The following NPHP4 variants were observed in gnomAD, a reference collection of about 807,000 sequenced individuals.
The protein encoded by NPHP4 is nephrocystin 4.
Under a neutral mutation model 155.8 loss-of-function variants are expected in NPHP4, and 151 were observed. The ratio of observed to expected loss-of-function variants is 0.97; its 90% CI spans 0.85 to 1.11. The LOEUF (loss-of-function observed/expected upper bound fraction) is 1.11. Among genes scored for constraint, NPHP4 ranks in the 50% least tolerant of loss-of-function variants. The pLI, the probability that NPHP4 is intolerant of heterozygous loss-of-function variation, is 0.00. For synonymous variants in NPHP4, 845 were observed against 816.8 expected (o/e 1.03, Z -0.59); for missense variants, 1,956 against 1,925.7 (o/e 1.02, Z -0.29).
Position 5,863,156 on chromosome 1 carries a change from G to T in NPHP4, c.*109C>A. On this transcript the variant is annotated 3_prime_UTR_variant, in exon 30 of 30. Transcript: ENST00000378156. ...GCCAAGTGCACAGGTCAGCCAGGTG[G>T]GCACTGAAGTGAAAGGCTGCAGAGA... 8.4e-7 allele frequency: 1 copy of T among 1,197,092 alleles called. No individual in the cohort carries two copies. Among genetic ancestry groups the T allele is most frequent in the South Asian group, 1.2e-5 (1 of 81,108 alleles). 74.2% of individuals were successfully genotyped at this position (1,197,092 alleles called of 1,614,324 possible).
intron 16 of NPHP4, among the ~76,000 whole-genome samples, chr1:5,899,869 T>C (rs1243526021): frequency 6.6e-6 from 1 of 152,204 alleles, no homozygotes; most frequent in African/African-American, 2.4e-5. Flanking sequence ...GATAAAGGAC[T>C]TGCATCCAAA....
chr1:5,975,370 C>T (rs75886247), intron 3 of NPHP4, among the ~76,000 whole-genome samples: 3,229 of 152,322 alleles, frequency 0.021, 54 homozygotes, highest in Non-Finnish European at 0.032. Context: ...GCTGCCCACA[C>T]GGGGCATAGC....
At chr1:5,864,074 G>A (rs748733982) in intron 28 of NPHP4, 41 bp from the exon 29 acceptor site, 14 of 1,603,082 alleles carry the variant, frequency 8.7e-6, no homozygotes, top group African/African-American at 5.4e-5. Context: ...GGCCACTCAC[G>A]GGAACAGCCA....
At position 5,890,929 on chromosome 1, in the gene NPHP4, T is replaced by C; in HGVS notation, c.2243A>G (p.Gln748Arg). 4 of 1,609,614 alleles carry C rather than the reference T, an allele frequency of 2.5e-6. No individual in the cohort carries two copies. The highest frequency in any genetic ancestry group is 3.4e-6 in the Non-Finnish European group (4 of 1,177,528). ...GGAGTCTCCGTCCCAGACGTCAATC[T>C]GCAGGGTCTGCACGGCCAGGTAGCG... is the stretch of plus-strand genomic sequence containing the variant. The part of the protein sequence containing the change: ...FARYLAVQTL[Q>R]IDVWDGDSLL... Residue 748 changes from glutamine (Q) to arginine (R), a missense_variant, in exon 17 of 30, where the codon CAG becomes CGG. Gln to Arg is a conservative substitution (Grantham distance 43). Transcript: ENST00000378156. This position sits in a 1 kb window ranked among gnomAD's most constrained non-coding sequence, Gnocchi z 4.9.
rs760871475 is a variant in NPHP4, at chr1:5,864,432, C to A, written c.3902G>T (p.Arg1301Leu). The change falls in exon 28 of 30, where the codon CGC becomes CTC. Residue 1301 changes from arginine (R) to leucine (L), a missense_variant. By Grantham distance (102) the Arg-to-Leu change is moderately radical (BLOSUM62 -2). Coordinates refer to ENST00000378156, the MANE Select transcript of NPHP4 (RefSeq NM_015102.5). Reference protein sequence around the residue: ...VGVRPLRAGSRFVHLNLVDVD... With the variant: ...VGVRPLRAGSLFVHLNLVDVD... ...GTCCACCAGGTTGAGATGGACAAAG[C>A]GGCTGCCGGCCCTAAGGGGCCTCAC... is the stretch of plus-strand genomic sequence containing the variant. 1.2e-6 allele frequency: 2 copies of A among 1,609,294 alleles called. No homozygotes were observed. The highest frequency in any genetic ancestry group is 1.7e-6 in the Non-Finnish European group (2 of 1,178,186).
At position 5,947,245 on chromosome 1, in the gene NPHP4, C is replaced by G. The variant is rs2101925931; in HGVS notation, c.993-15G>C. ...GGCTCCCGGAGCTGGGTCAGAAACA[C>G]AAACCAGGGACACATTAGAGCTCGA... On this transcript the variant is annotated splice_polypyrimidine_tract_variant and intron_variant, in intron 8 of 29. Transcript: ENST00000378156. 3 of 1,613,254 alleles carry G rather than the reference C, an allele frequency of 1.9e-6. No homozygotes were observed. In the Middle Eastern group the frequency reaches 5.2e-4, roughly 280 times the overall value.
At chr1:5,899,595 A>G (rs753345511) in intron 16 of NPHP4, among the ~76,000 whole-genome samples, 11 of 152,198 alleles carry the variant, frequency 7.2e-5, no homozygotes, top group Non-Finnish European at 1.3e-4. Context: ...TAAAATTTAT[A>G]CCTTTTATAA....
At chr1:5,950,726 C>T (rs1647823831) in intron 7 of NPHP4, among the ~76,000 whole-genome samples, 1 of 152,194 alleles carries the variant, frequency 6.6e-6, no homozygotes, top group Non-Finnish European at 1.5e-5. Flanking sequence ...CCTAGACCAG[C>T]AGCCCCCAGC....
At position 5,875,016 on chromosome 1, in the gene NPHP4, C is replaced by T. The variant is rs375090704; in HGVS notation, c.2902G>A (p.Ala968Thr). The T allele has an allele frequency of 1.8e-4, 291 of 1,611,128 alleles. 2 individuals carry two copies. The highest frequency in any genetic ancestry group is 7.0e-4 in the South Asian group (64 of 91,054). The change falls in exon 21 of 30, where the codon GCC becomes ACC. Residue 968 changes from alanine (A) to threonine (T), a missense_variant. By Grantham distance (58) the Ala-to-Thr change is moderately conservative. Coordinates refer to ENST00000378156, the MANE Select transcript of NPHP4 (RefSeq NM_015102.5). The stretch of plus-strand genomic sequence containing the variant: ...GTGATGGCCAGGCTCAGCAGGCTGG[C>T]GATGCTCTCGGCCTTCGTGCGTTCC... The part of the protein sequence containing the change: ...YRERTKAESI[A>T]SLLSLAITTE...
chr1:5,920,130 C>T (rs566487775), intron 11 of NPHP4, among the ~76,000 whole-genome samples: 7 of 152,168 alleles, frequency 4.6e-5, no homozygotes, highest in Non-Finnish European at 1.0e-4. Context: ...TAGGGTTTCA[C>T]CATGTTAGCC....
In NPHP4 at chr1:5,905,455, TGGAG is replaced by T. The variant is rs747699128; in HGVS notation, c.1788_1791del (p.Ser597TrpfsTer29). 10 of 1,607,642 alleles carry T rather than the reference TGGAG, an allele frequency of 6.2e-6. No individual in the cohort carries two copies. In the East Asian group the frequency reaches 2.2e-4, roughly 36 times the overall value. Reference sequence around the variant, plus strand: ...AAGCCGGAGGACTGCAGGAGCACCATGGAGGCTCTCGAGGGCTGCCCTGCAGAGC... The same window carrying T: ...AAGCCGGAGGACTGCAGGAGCACCATGCTCTCGAGGGCTGCCCTGCAGAGC... On this transcript the variant is annotated frameshift_variant, in exon 15 of 30. Coordinates refer to ENST00000378156, the MANE Select transcript of NPHP4 (RefSeq NM_015102.5). LOFTEE classifies it high-confidence loss of function. This position sits in a 1 kb window ranked among gnomAD's most constrained non-coding sequence, Gnocchi z 4.0.
At chr1:5,871,723 C>T (rs1179586235) in intron 23 of NPHP4, among the ~76,000 whole-genome samples, 2 of 152,148 alleles carry the variant, frequency 1.3e-5, no homozygotes, top group Non-Finnish European at 1.5e-5. Flanking sequence ...TCATGGACAA[C>T]GTGGTCTGCC....
intron 9 of NPHP4, among the ~76,000 whole-genome samples, chr1:5,935,028 C>T (rs1050006729): frequency 6.6e-6 from 1 of 152,152 alleles, no homozygotes; most frequent in East Asian, 1.9e-4. Flanking sequence ...CTCTAAAATC[C>T]GGACACAGAT....
chr1:5,877,229 T>C lies in NPHP4; in HGVS notation c.2681A>G (p.His894Arg), dbSNP rs113097479. ...CTGGGGCCCCTTGCCCTGCCGGGCA[T>C]GGGTCAGTAGCATGGCAGCCAGCTC... The part of the protein sequence containing the change: ...DSELAAMLLT[H>R]ARQGKGPQDV... The change falls in exon 20 of 30, where the codon CAT becomes CGT. Residue 894 changes from histidine (H) to arginine (R), a missense_variant. Coordinates refer to ENST00000378156, the MANE Select transcript of NPHP4 (RefSeq NM_015102.5). 1,056 of 1,608,998 alleles carry C rather than the reference T, an allele frequency of 6.6e-4. 5 individuals are homozygous for C. The African/African-American group carries it at 0.013, about 19-fold the overall frequency.
chr1:5,929,660 A>G lies in NPHP4; in HGVS notation c.1303-1873T>C, dbSNP rs527723214. ...TCTGGATAAAGCTCCACTTGGCTATAGTGTATTATTCTTTTTGCGTATTGC... is the reference window on the plus strand; with the variant it reads ...TCTGGATAAAGCTCCACTTGGCTATGGTGTATTATTCTTTTTGCGTATTGC... On this transcript the variant is annotated intron_variant, in intron 10 of 29. Transcript: ENST00000378156. Among the ~76,000 whole-genome samples, 4 of 152,264 alleles carry G rather than the reference A, an allele frequency of 2.6e-5. No homozygotes were observed. In the South Asian group the frequency reaches 8.3e-4, roughly 32 times the overall value.
At chr1:5,913,517 C>G (rs1337558335) in intron 11 of NPHP4, among the ~76,000 whole-genome samples, 1 of 152,228 alleles carries the variant, frequency 6.6e-6, no homozygotes, top group African/African-American at 2.4e-5. Flanking sequence ...AATTTAGCTT[C>G]AAGAAACTCA....
chr1:5,900,637 T>C (rs546567054), intron 16 of NPHP4, among the ~76,000 whole-genome samples: 65 of 152,330 alleles, frequency 4.3e-4, no homozygotes, highest in African/African-American at 1.5e-3. Flanking sequence ...TGATGTCATG[T>C]ATTTGTCAAA....
At chr1:5,866,344 C>T (rs1284596202) in intron 26 of NPHP4, 29 bp downstream of exon 26, 1 of 1,483,882 alleles carries the variant, frequency 6.7e-7, no homozygotes, top group Non-Finnish European at 9.3e-7. Context: ...CCGCCACCGC[C>T]TCCAGGTCCC....
intron 4 of NPHP4, 62 bp from the exon 5 acceptor site, chr1:5,967,425 C>T (rs1651732099): frequency 2.3e-6 from 3 of 1,312,942 alleles, no homozygotes; most frequent in Non-Finnish European, 3.2e-6. Context: ...AAGGAAAGCA[C>T]ATGGAGGCCT....
Sources: gnomAD v4.1 joint callset for allele counts (sites outside exome capture counted in the v4.1 genomes callset) on GRCh38, gnomAD v4.1.1 for gene constraint, Gnocchi (gnomAD v3.1) non-coding constraint, MANE v1.5 for transcripts, NCBI Gene and HGNC (gene_info 2026-07-23, HGNC 2026-07-21) for gene names.